PNPLA7: variants seen among roughly 807,000 people sequenced by gnomAD.
PNPLA7 encodes patatin-like phospholipase domain-containing protein 7.
In PNPLA7, 153 loss-of-function variants were observed where a neutral mutation model predicts 161.7. The ratio of observed to expected loss-of-function variants is 0.95; its 90% CI spans 0.83 to 1.08. The LOEUF is 1.08. Ranked by LOEUF, PNPLA7 falls within the 50% of genes least tolerant of loss-of-function variation. The pLI, the probability that PNPLA7 is intolerant of heterozygous loss-of-function variation, is 0.00. For synonymous variants in PNPLA7, 809 were observed against 782.1 expected (o/e 1.03, Z -0.57); for missense variants, 1,739 against 1,856.6 (o/e 0.94, Z 1.16).
chr9:137,522,225 C>G (rs921610073), intron 9 of PNPLA7, among the ~76,000 whole-genome samples: 1 of 152,222 alleles, frequency 6.6e-6, no homozygotes, highest in Non-Finnish European at 1.5e-5. Context: ...CAGGCGCCCG[C>G]CACCACGCCT....
chr9:137,506,887 C>T (rs1176164333), intron 12 of PNPLA7, among the ~76,000 whole-genome samples: 4 of 152,354 alleles, frequency 2.6e-5, no homozygotes, highest in South Asian at 2.1e-4. Context: ...ATCTGCACTG[C>T]GGTTTCCCAT....
Position 137,478,054 on chromosome 9 carries a change from C to T in PNPLA7, c.2862G>A (p.Val954=). The change falls in exon 25 of 35, where the codon GTG becomes GTA. Residue 954 remains valine, a synonymous_variant. Coordinates refer to ENST00000406427, the MANE Select transcript of PNPLA7 (RefSeq NM_001098537.3). ...CTCACCTTGCTCCCCCTCCCCCAAG[C>T]ACCAGGGCAATGGCGTTGCCCGTCA... ...RVLTGNAIAL[V]LGGGGARGCA... 1 of 1,434,472 alleles carries T rather than the reference C, an allele frequency of 7.0e-7. No individual in the cohort carries two copies. The highest frequency in any genetic ancestry group is 9.2e-7 in the Non-Finnish European group (1 of 1,090,482). 88.9% of individuals were successfully genotyped at this position (1,434,472 alleles called of 1,614,324 possible). A position where few individuals can be genotyped will look rare whatever the true frequency, so the allele number is the denominator to read the frequency against.
chr9:137,480,588 T>A lies in PNPLA7; in HGVS notation c.2412-108A>T, dbSNP rs1479291677. 3 of 1,262,658 alleles carry A rather than the reference T, an allele frequency of 2.4e-6. No individual in the cohort carries two copies. The African/African-American group carries it at 4.5e-5, about 19-fold the overall frequency. The allele number at this position is 1,262,658 out of a possible 1,614,324, so 78.2% of individuals were successfully genotyped here. On this transcript the variant is annotated intron_variant, in intron 22 of 34. Coordinates refer to ENST00000406427, the MANE Select transcript of PNPLA7 (RefSeq NM_001098537.3). ...GAGGCCAGCACCAGCCGCTGCCCCT[T>A]CCCCTCCCTGCCCAGCACTTCCTGC... is the stretch of plus-strand genomic sequence containing the variant.
At chr9:137,536,698 C>G (rs1024687629) in intron 8 of PNPLA7, among the ~76,000 whole-genome samples, 1 of 152,220 alleles carries the variant, frequency 6.6e-6, no homozygotes, top group Admixed American at 6.5e-5. Flanking sequence ...AAAGAACCGC[C>G]CATGAGCGGT....
intron 14 of PNPLA7, among the ~76,000 whole-genome samples, chr9:137,504,096 GAAGAAGAAGA>G (rs1350771552): frequency 7.1e-6 from 1 of 141,802 alleles, no homozygotes; most frequent in Non-Finnish European, 1.5e-5. Flanking sequence ...GAAGAAGAAG[GAAGAAGAAGA>G]AAGAAAGAAG....
chr9:137,503,381 C>CA (rs966958913), intron 14 of PNPLA7, among the ~76,000 whole-genome samples: 3 of 145,900 alleles, frequency 2.1e-5, no homozygotes, highest in Non-Finnish European at 4.5e-5. Flanking sequence ...ACACTGTTTC[C>CA]AAAAAAGAAG....
intron 8 of PNPLA7, among the ~76,000 whole-genome samples, chr9:137,530,334 A>G (rs1426416261): frequency 6.6e-6 from 1 of 152,220 alleles, no homozygotes; most frequent in Non-Finnish European, 1.5e-5. Flanking sequence ...TGAGCCTTGT[A>G]CAGGTTCACA....
intron 8 of PNPLA7, among the ~76,000 whole-genome samples, chr9:137,525,145 G>A (rs1835235005): frequency 6.6e-6 from 1 of 152,208 alleles, no homozygotes. Flanking sequence ...CCTCCCACCT[G>A]CGGGGAGGGG....
At chr9:137,529,313 C>G (rs768305889) in intron 8 of PNPLA7, among the ~76,000 whole-genome samples, 1 of 152,086 alleles carries the variant, frequency 6.6e-6, no homozygotes, top group Non-Finnish European at 1.5e-5. Flanking sequence ...TGTTTTCCAT[C>G]TAAGTATTGA....
rs1831570808 is a variant in PNPLA7, at chr9:137,468,357, A to T, written c.2883-884T>A. On this transcript the variant is annotated intron_variant, in intron 25 of 34. Coordinates refer to ENST00000406427, the MANE Select transcript of PNPLA7 (RefSeq NM_001098537.3). This position sits in a 1 kb window ranked among gnomAD's most constrained non-coding sequence, Gnocchi z 4.0. ...CTCATAGCCAAAAGAAAAAACAGAC[A>T]ATGAAAGTGGGCCCAGAGTGCCTCC... is the stretch of plus-strand genomic sequence containing the variant. Among the ~76,000 whole-genome samples the T allele has an allele frequency of 6.6e-6, 1 of 152,202 alleles. No homozygotes were observed. The highest frequency in any genetic ancestry group is 1.5e-5 in the Non-Finnish European group (1 of 68,018).
Position 137,498,217 on chromosome 9 carries a change from G to A in PNPLA7, c.1786C>T (p.Leu596=). ...TTCACCACAGTGTGCGCCACACCCAGGACGACGGTCGGCTGCTTCCGCATG... is the reference window on the plus strand; with the variant it reads ...TTCACCACAGTGTGCGCCACACCCAAGACGACGGTCGGCTGCTTCCGCATG... The part of the protein sequence containing the change: ...EIMRKQPTVV[L]GVAHTVVKRM... Residue 596 remains leucine (L), a synonymous_variant, in exon 17 of 35, where the codon CTG becomes TTG. Transcript: ENST00000406427. 1.2e-6 allele frequency: 2 copies of A among 1,612,394 alleles called. No individual in the cohort carries two copies. Among genetic ancestry groups the A allele is most frequent in the Non-Finnish European group, 8.5e-7 (1 of 1,179,978 alleles).
chr9:137,498,288 C>T, intron 16 of PNPLA7, 43 bp from the exon 17 acceptor site: 1 of 1,600,882 alleles, frequency 6.2e-7, no homozygotes. Flanking sequence ...TCCCTCCAAC[C>T]CTACCCTTCG....
In PNPLA7 at chr9:137,481,038, A is replaced by G; in HGVS notation, c.2348-15T>C. On this transcript the variant is annotated splice_polypyrimidine_tract_variant and intron_variant, in intron 21 of 34. Coordinates refer to ENST00000406427, the MANE Select transcript of PNPLA7 (RefSeq NM_001098537.3). ...CAGGGTCGGGCCTGAAAACACCACC[A>G]CCAGTAACGGAGCCTGCCTGGGCAG... The G allele has an allele frequency of 1.3e-6, 2 of 1,551,448 alleles. No individual in the cohort carries two copies. The highest frequency in any genetic ancestry group is 1.7e-6 in the Non-Finnish European group (2 of 1,146,852).
At chr9:137,498,336 A>G in intron 16 of PNPLA7, 91 bp from the exon 17 acceptor site, 1 of 1,539,338 alleles carries the variant, frequency 6.5e-7, no homozygotes, top group Non-Finnish European at 8.8e-7. Flanking sequence ...TGGGACCCAC[A>G]ACCCCCACCC....
chr9:137,511,983 G>T (rs1383233706), intron 12 of PNPLA7, among the ~76,000 whole-genome samples: 1 of 152,114 alleles, frequency 6.6e-6, no homozygotes. Flanking sequence ...CTGCCCCCTT[G>T]CCTTGTATAC....
chr9:137,501,855 C>A, intron 14 of PNPLA7, 128 bp from the exon 15 acceptor site: 2 of 908,270 alleles, frequency 2.2e-6, no homozygotes, highest in Non-Finnish European at 3.4e-6. Context: ...GGCCCTCCTC[C>A]GAGGCTGTCC....
rs773798665 is a variant in PNPLA7 at position 137,498,224 on chromosome 9, G to A, written c.1779C>T (p.Thr593=). The A allele has an allele frequency of 2.7e-5, 43 of 1,611,732 alleles. No homozygotes were observed. The highest frequency in any genetic ancestry group is 3.4e-5 in the Non-Finnish European group (40 of 1,179,962). The change falls in exon 17 of 35, where the codon ACC becomes ACT. Residue 593 remains threonine, a synonymous_variant. Transcript: ENST00000406427. ...HFYEIMRKQP[T]VVLGVAHTVV... ...CAGTGTGCGCCACACCCAGGACGACGGTCGGCTGCTTCCGCATGATTCTGC... is the reference window on the plus strand; with the variant it reads ...CAGTGTGCGCCACACCCAGGACGACAGTCGGCTGCTTCCGCATGATTCTGC...
rs1242391438 is a variant in PNPLA7, at chr9:137,476,979, G to A, written c.2882+1055C>T. 1.3e-5 allele frequency among the ~76,000 whole-genome samples: 2 copies of A among 152,220 alleles called. No individual in the cohort carries two copies. Among genetic ancestry groups the A allele is most frequent in the Admixed American group, 6.5e-5 (1 of 15,282 alleles). On this transcript the variant is annotated intron_variant, in intron 25 of 34. Transcript: ENST00000406427. This position sits in a 1 kb window ranked among gnomAD's most constrained non-coding sequence, Gnocchi z 4.5. ...CCCTGGGGCCAGCAGAAGCATCCTC[G>A]AGGCCCTGGGGCCACCTCCGAGCTT...
chr9:137,542,544 G>A (rs941747475), intron 7 of PNPLA7, 98 bp downstream of exon 7: 1 of 1,292,004 alleles, frequency 7.7e-7, no homozygotes, highest in African/African-American at 1.5e-5. Context: ...TCAAAATTTT[G>A]CCTAGCTTTT....
Sources: allele counts gnomAD v4.1 joint callset (sites outside exome capture counted in the v4.1 genomes callset), GRCh38; gene constraint gnomAD v4.1.1; non-coding constraint Gnocchi (gnomAD v3.1); transcripts MANE v1.5; gene names NCBI Gene and HGNC (gene_info 2026-07-23, HGNC 2026-07-21).